The following LRRIQ3 variants were observed in gnomAD, a reference collection of about 807,000 sequenced individuals.
LRRIQ3 encodes the protein leucine-rich repeat and IQ domain-containing protein 3.
A neutral mutation model predicts 59.3 loss-of-function variants in LRRIQ3; 75 were observed. That is an observed-to-expected ratio of 1.26 (90% confidence interval 1.05 to 1.53). LRRIQ3 has a LOEUF of 1.53. Ranked by LOEUF, LRRIQ3 falls within the 40% of genes most tolerant of loss-of-function variation. The pLI is 0.00. For missense variants in LRRIQ3, 831 were observed against 710.0 expected (o/e 1.17, Z -1.94); for synonymous variants, 250 against 231.3 (o/e 1.08, Z -0.73).
At chr1:74,143,362 T>C (rs1429829751) in intron 4 of LRRIQ3, among the ~76,000 whole-genome samples, 1 of 151,934 alleles carries the variant, frequency 6.6e-6, no homozygotes, top group East Asian at 1.9e-4. Flanking sequence ...AAGATAGCAT[T>C]GAAAGAAGTA....
chr1:74,033,341 A>T (rs1406620417), intron 7 of LRRIQ3, among the ~76,000 whole-genome samples: 1 of 151,964 alleles, frequency 6.6e-6, no homozygotes, highest in African/African-American at 2.4e-5. Context: ...ACAAAATAAT[A>T]ATTGAATTAA....
At chr1:74,090,077 A>T (rs1175911934) in intron 5 of LRRIQ3, among the ~76,000 whole-genome samples, 1 of 152,058 alleles carries the variant, frequency 6.6e-6, no homozygotes, top group Admixed American at 6.6e-5. Context: ...AGTAAATATG[A>T]ATTTTACTAT....
intron 4 of LRRIQ3, among the ~76,000 whole-genome samples, chr1:74,121,776 TC>T (rs1195151233): frequency 7.9e-6 from 1 of 126,630 alleles, no homozygotes; most frequent in Non-Finnish European, 1.6e-5. Flanking sequence ...ATGTTCCCCT[TC>T]CTGTGTCCAT....
At chr1:74,061,266 C>T (rs1047103248) in intron 6 of LRRIQ3, among the ~76,000 whole-genome samples, 7 of 152,062 alleles carry the variant, frequency 4.6e-5, no homozygotes, top group Admixed American at 6.6e-5. Flanking sequence ...TAAAACACTG[C>T]TCAAAGAAAT....
intron 4 of LRRIQ3, among the ~76,000 whole-genome samples, chr1:74,135,012 G>A (rs1647098193): frequency 6.6e-6 from 1 of 151,808 alleles, no homozygotes; most frequent in Admixed American, 6.6e-5. Flanking sequence ...GTCTACAAAA[G>A]AAACTTTAAA....
chr1:74,057,064 G>A (rs1654558047), intron 6 of LRRIQ3, among the ~76,000 whole-genome samples: 1 of 152,154 alleles, frequency 6.6e-6, no homozygotes, highest in South Asian at 2.1e-4. Flanking sequence ...GCAGAACTGT[G>A]AGTCAATTAA....
chr1:74,172,578 T>C (rs1266757851), intron 3 of LRRIQ3, among the ~76,000 whole-genome samples: 1 of 152,208 alleles, frequency 6.6e-6, no homozygotes, highest in East Asian at 1.9e-4. Context: ...TGTGTACATG[T>C]CTGTTAGGTA....
chr1:74,183,558 T>C lies in LRRIQ3; in HGVS notation c.127A>G (p.Met43Val). Reference sequence around the variant, plus strand: ...GAGATGCAAGACTGCAAATTTTCCATAGACTTTAAATGAAGGCCATTGAAC... The same window carrying C: ...GAGATGCAAGACTGCAAATTTTCCACAGACTTTAAATGAAGGCCATTGAAC... ...VKFNGLHLKS[M>V]ENLQSCISLR... Residue 43 changes from methionine to valine, a missense_variant, in exon 2 of 8, where the codon ATG becomes GTG. Coordinates refer to ENST00000354431, the MANE Select transcript of LRRIQ3 (RefSeq NM_001105659.2). The C allele has an allele frequency of 1.2e-6, 2 of 1,612,278 alleles. No homozygotes were observed. The highest frequency in any genetic ancestry group is 1.7e-4 in the Middle Eastern group (1 of 6,050).
chr1:74,049,431 T>C (rs1318524056), intron 6 of LRRIQ3, among the ~76,000 whole-genome samples: 1 of 152,144 alleles, frequency 6.6e-6, no homozygotes, highest in African/African-American at 2.4e-5. Context: ...TAAGATTTTA[T>C]GATAGGAAGG....
chr1:74,197,939 G>C (rs184792890), intron 1 of LRRIQ3, 57 bp downstream of exon 1: 7 of 345,600 alleles, frequency 2.0e-5, no homozygotes, highest in Non-Finnish European at 3.7e-5. Flanking sequence ...ATGTAGTTTC[G>C]CCTTATCCTT....
chr1:74,172,799 C>T (rs1271916933), intron 3 of LRRIQ3, among the ~76,000 whole-genome samples: 1 of 152,080 alleles, frequency 6.6e-6, no homozygotes, highest in Non-Finnish European at 1.5e-5. Context: ...TGGATTAACC[C>T]TTTTATCATT....
At chr1:74,093,855 T>C (rs1646419463) in intron 5 of LRRIQ3, among the ~76,000 whole-genome samples, 1 of 152,124 alleles carries the variant, frequency 6.6e-6, no homozygotes, top group Non-Finnish European at 1.5e-5. Flanking sequence ...CATGGTTTGA[T>C]GAGCTGAATA....
At chr1:74,182,352 T>C (rs1055630210) in intron 3 of LRRIQ3, 186 bp downstream of exon 3, 6 of 350,812 alleles carry the variant, frequency 1.7e-5, no homozygotes, top group African/African-American at 1.1e-4. Flanking sequence ...TTTAATGTAG[T>C]TGGCATGCAA....
chr1:74,052,295 G>C (rs1052647759), intron 6 of LRRIQ3, among the ~76,000 whole-genome samples: 2 of 152,038 alleles, frequency 1.3e-5, no homozygotes, highest in Non-Finnish European at 2.9e-5. Context: ...ATAGTAGTTA[G>C]GGTGAAAAAC....
intron 3 of LRRIQ3, 27 bp downstream of exon 3, chr1:74,182,511 A>C (rs758230026): frequency 1.4e-6 from 2 of 1,410,690 alleles, no homozygotes; most frequent in African/African-American, 2.9e-5. Context: ...CATTTAATTA[A>C]AATGAAACCC....
At chr1:74,192,987 C>A (rs1270708841) in intron 1 of LRRIQ3, among the ~76,000 whole-genome samples, 1 of 152,042 alleles carries the variant, frequency 6.6e-6, no homozygotes, top group East Asian at 1.9e-4. Flanking sequence ...GAGCATGTCC[C>A]CTGAATCATA....
chr1:74,102,797 C>T (rs956350652), intron 5 of LRRIQ3, among the ~76,000 whole-genome samples: 6 of 151,892 alleles, frequency 4.0e-5, no homozygotes, highest in African/African-American at 1.4e-4. Flanking sequence ...AGCTTTTTAC[C>T]TCAGATTATG....
At chr1:74,115,713 G>A (rs1646768055) in intron 4 of LRRIQ3, among the ~76,000 whole-genome samples, 1 of 151,948 alleles carries the variant, frequency 6.6e-6, no homozygotes, top group Non-Finnish European at 1.5e-5. Flanking sequence ...AATTTTCCAA[G>A]AATAAAGGCT....
At chr1:74,145,984 C>G (rs1236060323) in intron 4 of LRRIQ3, among the ~76,000 whole-genome samples, 2 of 152,018 alleles carry the variant, frequency 1.3e-5, no homozygotes, top group African/African-American at 2.4e-5. Context: ...TACTACCGTA[C>G]TTTTACTCTC....
Sources: allele counts gnomAD v4.1 joint callset (sites outside exome capture counted in the v4.1 genomes callset), GRCh38; gene constraint gnomAD v4.1.1; transcripts MANE v1.5; gene names NCBI Gene and HGNC (gene_info 2026-07-23, HGNC 2026-07-21).